Variants in HEMK2 observed in about 807,000 individuals in gnomAD.
HEMK2 encodes the protein methyltransferase HEMK2.
At chr21:28,799,540 T>C in the HEMK2 span, among the ~76,000 whole-genome samples, 1 of 152,202 alleles carries the variant, frequency 6.6e-6, no homozygotes, top group African/African-American at 2.4e-5. Flanking sequence ...TGTTTCAACA[T>C]TGTCCTCTCC....
chr21:28,664,334 C>T, the HEMK2 span, among the ~76,000 whole-genome samples: 2 of 152,110 alleles, frequency 1.3e-5, no homozygotes, highest in Non-Finnish European at 2.9e-5. Context: ...TATGTACATG[C>T]ATTGTATAAA....
the HEMK2 span, among the ~76,000 whole-genome samples, chr21:28,728,782 ACT>A: frequency 6.6e-6 from 1 of 152,228 alleles, no homozygotes. Context: ...TGATTTAAAT[ACT>A]TTTTTAACAG....
the HEMK2 span, chr21:28,882,882 C>A: frequency 1.4e-6 from 1 of 731,830 alleles, no homozygotes; most frequent in South Asian, 3.7e-5. Flanking sequence ...TTTTGCTATG[C>A]TTAAATACTA....
At chr21:28,853,553 G>A in the HEMK2 span, among the ~76,000 whole-genome samples, 1 of 152,134 alleles carries the variant, frequency 6.6e-6, no homozygotes, top group East Asian at 1.9e-4. Flanking sequence ...TCACCTCTAA[G>A]GGCCTACTGG....
chr21:28,788,022 T>A, the HEMK2 span, among the ~76,000 whole-genome samples: 2 of 152,012 alleles, frequency 1.3e-5, no homozygotes, highest in African/African-American at 2.4e-5. Flanking sequence ...TGTATACTAT[T>A]TCAAACTAGA....
chr21:28,817,393 A>C, the HEMK2 span, among the ~76,000 whole-genome samples: 1 of 152,230 alleles, frequency 6.6e-6, no homozygotes. Context: ...AAAACAAAGA[A>C]AAAAGTAGCT....
chr21:28,841,332 A>T, the HEMK2 span, among the ~76,000 whole-genome samples: 1 of 10,504 alleles, frequency 9.5e-5, no homozygotes, highest in African/African-American at 1.5e-3. Flanking sequence ...ATTATATATA[A>T]ATATATATTA....
At chr21:28,880,352 C>T in the HEMK2 span, among the ~76,000 whole-genome samples, 1 of 152,298 alleles carries the variant, frequency 6.6e-6, no homozygotes, top group East Asian at 1.9e-4. Flanking sequence ...CCATTATTTA[C>T]TGGATACTGT....
the HEMK2 span, among the ~76,000 whole-genome samples, chr21:28,644,379 G>A: frequency 6.6e-6 from 1 of 152,126 alleles, no homozygotes; most frequent in Non-Finnish European, 1.5e-5. Flanking sequence ...GGGGATTATG[G>A]GGATCACAAT....
At chr21:28,647,321 T>TAA in the HEMK2 span, among the ~76,000 whole-genome samples, 591 of 46,410 alleles carry the variant, frequency 0.013, 17 homozygotes, top group East Asian at 0.058. Context: ...CCATCTCTAC[T>TAA]AAAAAAAAAA....
the HEMK2 span, among the ~76,000 whole-genome samples, chr21:28,754,930 G>C: frequency 5.9e-5 from 9 of 152,200 alleles, no homozygotes; most frequent in African/African-American, 1.2e-4. Context: ...GCAAGAGCTA[G>C]GGAGAAACGG....
the HEMK2 span, among the ~76,000 whole-genome samples, chr21:28,659,595 T>C: frequency 6.6e-6 from 1 of 152,072 alleles, no homozygotes; most frequent in Non-Finnish European, 1.5e-5. Flanking sequence ...GGACTCAACA[T>C]TGCAATATAA....
chr21:28,620,645 A>G, the HEMK2 span, among the ~76,000 whole-genome samples: 2 of 87,420 alleles, frequency 2.3e-5, no homozygotes, highest in African/African-American at 9.1e-5. Flanking sequence ...TGCCTATGTG[A>G]TTCTTCTCTC....
At chr21:28,835,492 C>T in the HEMK2 span, among the ~76,000 whole-genome samples, 2 of 152,130 alleles carry the variant, frequency 1.3e-5, no homozygotes, top group Non-Finnish European at 2.9e-5. Context: ...GAACAATAGC[C>T]TTCAGTCCTA....
the HEMK2 span, among the ~76,000 whole-genome samples, chr21:28,748,925 T>C: frequency 2.6e-5 from 4 of 152,170 alleles, no homozygotes; most frequent in African/African-American, 4.8e-5. Context: ...TTTGAGCAAA[T>C]TGATCTAGAT....
At chr21:28,796,056 G>A in the HEMK2 span, among the ~76,000 whole-genome samples, 1 of 152,120 alleles carries the variant, frequency 6.6e-6, no homozygotes, top group Admixed American at 6.5e-5. Context: ...TTTTTATACT[G>A]CCTTGACTCT....
the HEMK2 span, among the ~76,000 whole-genome samples, chr21:28,631,367 G>A: frequency 1.3e-5 from 2 of 152,100 alleles, no homozygotes; most frequent in East Asian, 1.9e-4. Context: ...TTCTACTTCC[G>A]TAATGTTGCT....
chr21:28,651,260 T>C, the HEMK2 span, among the ~76,000 whole-genome samples: 1 of 152,176 alleles, frequency 6.6e-6, no homozygotes, highest in Non-Finnish European at 1.5e-5. Flanking sequence ...CCCCCCAGAC[T>C]CCATGCAAAT....
the HEMK2 span, among the ~76,000 whole-genome samples, chr21:28,693,870 G>A: frequency 6.6e-6 from 1 of 152,136 alleles, no homozygotes; most frequent in South Asian, 2.1e-4. Context: ...TTCTTAATCA[G>A]TGTTTAGCTG....
Sources: allele counts gnomAD v4.1 joint callset (sites outside exome capture counted in the v4.1 genomes callset), GRCh38; gene constraint gnomAD v4.1.1; transcripts MANE v1.5; gene names NCBI Gene and HGNC (gene_info 2026-07-23, HGNC 2026-07-21).